The following CNTNAP5 variants were observed in gnomAD, a reference collection of about 807,000 sequenced individuals.
CNTNAP5 encodes the protein contactin-associated protein-like 5.
In CNTNAP5, 72 loss-of-function variants were observed where a neutral mutation model predicts 150.2. The observed-to-expected ratio is 0.48, with a 90% CI of 0.40 to 0.58. The LOEUF (loss-of-function observed/expected upper bound fraction) is 0.58, where lower values mean the gene tolerates loss of function less well. Among genes scored for constraint, CNTNAP5 ranks in the 20% least tolerant of loss-of-function variants. The pLI is 0.00. For synonymous variants in CNTNAP5, 672 were observed against 619.8 expected, an observed-to-expected ratio of 1.08 and a Z score of -1.25; for missense variants, 1,636 against 1,626.2, an observed-to-expected ratio of 1.01 and a Z score of -0.10.
chr2:124,276,807 A>G (rs1007061520), intron 3 of CNTNAP5, among the ~76,000 whole-genome samples: 1 of 152,210 alleles, frequency 6.6e-6, no homozygotes, highest in Non-Finnish European at 1.5e-5. Flanking sequence ...GACAAACACC[A>G]GCAGAGTAAA....
At chr2:124,280,899 C>T (rs1687996084) in intron 3 of CNTNAP5, among the ~76,000 whole-genome samples, 1 of 152,154 alleles carries the variant, frequency 6.6e-6, no homozygotes, top group Admixed American at 6.6e-5. Context: ...GCTTTAACTA[C>T]TTTGGTTTAG....
intron 13 of CNTNAP5, among the ~76,000 whole-genome samples, chr2:124,718,848 G>C (rs150455588): frequency 0.017 from 2,520 of 152,148 alleles, 55 homozygotes; most frequent in African/African-American, 0.052. Context: ...GGGATGCTGA[G>C]GCAGGGGAAT....
intron 1 of CNTNAP5, among the ~76,000 whole-genome samples, chr2:124,047,574 G>A (rs1423921000): frequency 6.6e-6 from 1 of 152,210 alleles, no homozygotes; most frequent in Non-Finnish European, 1.5e-5. Context: ...ACCCAATCAA[G>A]TAGTAAGGCT....
chr2:124,052,465 A>C (rs1471975049), intron 1 of CNTNAP5, among the ~76,000 whole-genome samples: 1 of 152,240 alleles, frequency 6.6e-6, no homozygotes, highest in Non-Finnish European at 1.5e-5. Context: ...ATTCCCTCTC[A>C]ACCAAGGGTC....
intron 17 of CNTNAP5, among the ~76,000 whole-genome samples, chr2:124,777,775 A>ATGTGTGTGTGTGTGTG (rs35863925): frequency 7.7e-6 from 1 of 130,600 alleles, no homozygotes; most frequent in Admixed American, 7.9e-5. Context: ...GAATGGAGGG[A>ATGTGTGTGTGTGTGTG]TGTGTGTGTG....
At chr2:124,667,933 C>G (rs1291951634) in intron 13 of CNTNAP5, among the ~76,000 whole-genome samples, 1 of 152,158 alleles carries the variant, frequency 6.6e-6, no homozygotes. Context: ...GGAGAAACGA[C>G]CCAGAGGATG....
chr2:124,466,812 T>C (rs1693388467), intron 6 of CNTNAP5, among the ~76,000 whole-genome samples: 1 of 152,162 alleles, frequency 6.6e-6, no homozygotes, highest in South Asian at 2.1e-4. Context: ...ATACAGACTA[T>C]GTACTCAGAA....
At chr2:124,879,157 C>T (rs976093085) in intron 21 of CNTNAP5, among the ~76,000 whole-genome samples, 6 of 152,012 alleles carry the variant, frequency 3.9e-5, no homozygotes, top group Non-Finnish European at 8.8e-5. Context: ...CTTAAACACC[C>T]CAGACATTAC....
intron 6 of CNTNAP5, among the ~76,000 whole-genome samples, chr2:124,467,274 C>T (rs115437427): frequency 8.2e-4 from 124 of 152,036 alleles, no homozygotes; most frequent in Non-Finnish European, 8.5e-4. Context: ...GTTGGTTTAA[C>T]CAGCTATGCT....
intron 11 of CNTNAP5, among the ~76,000 whole-genome samples, 168 bp from the exon 12 acceptor site, chr2:124,609,633 A>G (rs1366919402): frequency 6.6e-6 from 1 of 152,166 alleles, no homozygotes; most frequent in Admixed American, 6.5e-5. Flanking sequence ...GTCAAACATC[A>G]GTATCAAGCC....
chr2:124,865,490 A>C, intron 20 of CNTNAP5, 54 bp downstream of exon 20: 2 of 1,520,916 alleles, frequency 1.3e-6, no homozygotes, highest in South Asian at 2.4e-5. Context: ...TACTCTATCA[A>C]ACTTTTCTAA....
At chr2:124,588,184 CTTTCTTTCTTTCTTTCTTTCTTTCT>C (rs1696593108) in intron 11 of CNTNAP5, among the ~76,000 whole-genome samples, 1 of 115,094 alleles carries the variant, frequency 8.7e-6, no homozygotes, top group Non-Finnish European at 1.8e-5. Context: ...TTCCTTCTTT[CTTTCTTTCTTTCTTTCTTTCTTTCT>C]TTCTTTCTTT....
At chr2:124,548,358 G>A (rs925969900) in intron 10 of CNTNAP5, among the ~76,000 whole-genome samples, 21 of 152,160 alleles carry the variant, frequency 1.4e-4, no homozygotes, top group African/African-American at 4.8e-4. Flanking sequence ...GCGTGGCTTA[G>A]GATCTCTCTG....
intron 1 of CNTNAP5, among the ~76,000 whole-genome samples, chr2:124,092,952 T>C (rs2104687886): frequency 6.6e-6 from 1 of 152,370 alleles, no homozygotes; most frequent in South Asian, 2.1e-4. Context: ...TCTGGCTTCC[T>C]GATGCCTATA....
chr2:124,139,211 A>G (rs1175835675), intron 1 of CNTNAP5, among the ~76,000 whole-genome samples: 1 of 151,954 alleles, frequency 6.6e-6, no homozygotes, highest in Non-Finnish European at 1.5e-5. Context: ...TCCTAACAAA[A>G]TAAATGGTGT....
chr2:124,235,875 AT>A (rs1686732593), intron 2 of CNTNAP5, among the ~76,000 whole-genome samples: 1 of 151,848 alleles, frequency 6.6e-6, no homozygotes, highest in Admixed American at 6.6e-5. Flanking sequence ...GTCATTCCAG[AT>A]TTTCTTACAG....
intron 2 of CNTNAP5, among the ~76,000 whole-genome samples, chr2:124,227,552 T>A (rs1296398677): frequency 6.6e-6 from 1 of 152,104 alleles, no homozygotes; most frequent in African/African-American, 2.4e-5. Flanking sequence ...CTTGTCAAAG[T>A]ATAATTTTCA....
At chr2:124,054,239 G>A (rs1057085188) in intron 1 of CNTNAP5, among the ~76,000 whole-genome samples, 3 of 152,098 alleles carry the variant, frequency 2.0e-5, no homozygotes, top group Non-Finnish European at 4.4e-5. Context: ...TGGATGTTTG[G>A]GTTGGTTGTC....
At chr2:124,414,238 C>T (rs1263632161) in intron 3 of CNTNAP5, among the ~76,000 whole-genome samples, 1 of 150,276 alleles carries the variant, frequency 6.7e-6, no homozygotes, top group African/African-American at 2.5e-5. Flanking sequence ...ACAGGAAGAT[C>T]TTTTCTTGCT....
Sources: allele counts gnomAD v4.1 joint callset (sites outside exome capture counted in the v4.1 genomes callset), GRCh38; gene constraint gnomAD v4.1.1; transcripts MANE v1.5; gene names NCBI Gene and HGNC (gene_info 2026-07-23, HGNC 2026-07-21).